AP1S3: variants seen among roughly 807,000 people sequenced by gnomAD.
The protein encoded by AP1S3 is adaptor related protein complex 1 subunit sigma 3.
A neutral mutation model predicts 20.9 loss-of-function variants in AP1S3; 10 were observed. That is an observed-to-expected ratio of 0.48 (90% CI 0.29 to 0.81). The LOEUF is 0.81. AP1S3 is among the 30% of genes least tolerant of loss of function. The probability of loss-of-function intolerance (pLI) is 0.08; values close to 1 mark genes in which losing one functional copy is unlikely to be tolerated. For synonymous variants in AP1S3, 41 were observed against 61.5 expected (o/e 0.67, Z 1.56); for missense variants, 154 against 183.8 (o/e 0.84, Z 0.94).
At chr2:223,769,022 C>G (rs1690547554) in intron 3 of AP1S3, among the ~76,000 whole-genome samples, 1 of 152,114 alleles carries the variant, frequency 6.6e-6, no homozygotes, top group Non-Finnish European at 1.5e-5. Context: ...AATAAACTAG[C>G]AAACTTCACA....
At chr2:223,829,348 C>T (rs1692206531) in intron 1 of AP1S3, among the ~76,000 whole-genome samples, 1 of 152,132 alleles carries the variant, frequency 6.6e-6, no homozygotes, top group South Asian at 2.1e-4. Flanking sequence ...CAGCTCCAGC[C>T]AGGCACAGTG....
intron 1 of AP1S3, among the ~76,000 whole-genome samples, chr2:223,797,661 G>A (rs116401466): frequency 0.016 from 2,432 of 152,228 alleles, 70 homozygotes; most frequent in African/African-American, 0.055. Flanking sequence ...AACTACCTGG[G>A]AGGCTGAGGC....
intron 1 of AP1S3, among the ~76,000 whole-genome samples, chr2:223,800,905 A>G (rs952749534): frequency 3.3e-5 from 5 of 152,212 alleles, no homozygotes; most frequent in African/African-American, 1.2e-4. Flanking sequence ...ATCAAGGCCC[A>G]GAGACCTGGT....
intron 1 of AP1S3, among the ~76,000 whole-genome samples, chr2:223,793,937 C>T (rs1691275532): frequency 6.6e-6 from 1 of 152,030 alleles, no homozygotes; most frequent in Admixed American, 6.6e-5. Flanking sequence ...AGCCACTGTG[C>T]CCAGCCTACA....
At chr2:223,804,552 A>G (rs930609041) in intron 1 of AP1S3, among the ~76,000 whole-genome samples, 2 of 152,076 alleles carry the variant, frequency 1.3e-5, no homozygotes, top group African/African-American at 4.8e-5. Context: ...ACTTTTTTAA[A>G]TAAATTAGGC....
At chr2:223,826,705 G>A (rs980032264) in intron 1 of AP1S3, among the ~76,000 whole-genome samples, 4 of 152,092 alleles carry the variant, frequency 2.6e-5, no homozygotes, top group African/African-American at 9.7e-5. Flanking sequence ...CCAGGCTGGA[G>A]TTCAGGGGCA....
intron 1 of AP1S3, among the ~76,000 whole-genome samples, chr2:223,816,809 A>C (rs979207252): frequency 6.6e-6 from 1 of 152,322 alleles, no homozygotes; most frequent in Non-Finnish European, 1.5e-5. Flanking sequence ...ATGACAGACA[A>C]TCCCCCATAA....
At chr2:223,770,182 G>T (rs1243022937) in intron 3 of AP1S3, 1 of 1,550,264 alleles carries the variant, frequency 6.5e-7, no homozygotes, top group Non-Finnish European at 8.7e-7. Context: ...GAAGGTATGA[G>T]AAGAAAGCAG....
At chr2:223,804,768 A>T (rs1418161533) in intron 1 of AP1S3, among the ~76,000 whole-genome samples, 1 of 152,172 alleles carries the variant, frequency 6.6e-6, no homozygotes, top group South Asian at 2.1e-4. Context: ...TCTAGATCAA[A>T]TGAAAGGCAG....
chr2:223,803,289 A>G (rs1463475175), intron 1 of AP1S3, among the ~76,000 whole-genome samples: 1 of 152,238 alleles, frequency 6.6e-6, no homozygotes, highest in Admixed American at 6.5e-5. Context: ...AATACAGCCA[A>G]TTAATTTTTT....
chr2:223,807,102 T>C (rs1691600426), intron 1 of AP1S3, among the ~76,000 whole-genome samples: 1 of 151,994 alleles, frequency 6.6e-6, no homozygotes, highest in Non-Finnish European at 1.5e-5. Context: ...CCCATCTCTA[T>C]TAAAAATACA....
chr2:223,805,622 C>T (rs1691561965), intron 1 of AP1S3, among the ~76,000 whole-genome samples: 1 of 152,164 alleles, frequency 6.6e-6, no homozygotes, highest in Admixed American at 6.6e-5. Flanking sequence ...TTCTAATTTA[C>T]TTTAACAAAT....
chr2:223,773,550 C>A (rs1280357842), intron 3 of AP1S3, among the ~76,000 whole-genome samples: 1 of 152,084 alleles, frequency 6.6e-6, no homozygotes, highest in African/African-American at 2.4e-5. Flanking sequence ...TGACCAACAA[C>A]CTGAAATCCC....
intron 1 of AP1S3, among the ~76,000 whole-genome samples, chr2:223,806,224 G>A (rs937702561): frequency 3.3e-5 from 5 of 151,056 alleles, no homozygotes; most frequent in Non-Finnish European, 7.4e-5. Context: ...AAATGCAAAT[G>A]CATGCCATGT....
intron 3 of AP1S3, among the ~76,000 whole-genome samples, chr2:223,770,546 T>C (rs1007150072): frequency 3.9e-5 from 5 of 129,472 alleles, no homozygotes; most frequent in African/African-American, 1.5e-4. Context: ...TGATATACAG[T>C]TACTATCTGT....
In AP1S3 at chr2:223,777,725, C is replaced by A. The variant is rs752919238; in HGVS notation, c.148G>T (p.Val50Phe). 6.2e-7 allele frequency: 1 copy of A among 1,613,618 alleles called. No individual in the cohort carries two copies. Residue 50 changes from valine (V) to phenylalanine (F), a missense_variant, in exon 2 of 5, where the codon GTT (valine) becomes TTT (phenylalanine). Val to Phe is a conservative substitution (Grantham distance 50). Transcript: ENST00000396654. ...ACAAGTTTTAGCTCCTTCCAGTCAA[C>A]AAAACTGCTTGTCCTGTGACCACGG... ...LSRGHRTSSFVDWKELKLVYK... is the reference protein window; with the variant it reads ...LSRGHRTSSFFDWKELKLVYK...
intron 1 of AP1S3, among the ~76,000 whole-genome samples, chr2:223,793,805 G>GT (rs202227955): frequency 0.01 from 1,489 of 148,218 alleles, 13 homozygotes; most frequent in East Asian, 0.026. Flanking sequence ...CACCTAATAC[G>GT]TTTTTTTTTT....
chr2:223,759,296 AGAGAG>A (rs146416324), intron 4 of AP1S3, among the ~76,000 whole-genome samples: 5,454 of 148,376 alleles, frequency 0.037, 235 homozygotes, highest in East Asian at 0.17. Flanking sequence ...AAAAAAAAAA[AGAGAG>A]AGAGAGAGAG....
intron 4 of AP1S3, chr2:223,764,998 G>A: frequency 1.8e-6 from 1 of 545,170 alleles, no homozygotes; most frequent in Middle Eastern, 4.9e-4. Flanking sequence ...TAACCTCTTG[G>A]TGTCTCAGTT....
Sources: gnomAD v4.1 joint callset for allele counts (sites outside exome capture counted in the v4.1 genomes callset) on GRCh38, gnomAD v4.1.1 for gene constraint, MANE v1.5 for transcripts, NCBI Gene and HGNC (gene_info 2026-07-23, HGNC 2026-07-21) for gene names.